The following INPPL1 variants were observed in gnomAD, a reference collection of about 807,000 sequenced individuals.
The protein encoded by INPPL1 is inositol polyphosphate phosphatase like 1.
Under a neutral mutation model 139.3 loss-of-function variants are expected in INPPL1, and 91 were observed. The observed-to-expected ratio is 0.65, with a 90% CI of 0.55 to 0.78. The LOEUF is 0.78. Ranked by LOEUF, INPPL1 falls within the 30% of genes least tolerant of loss-of-function variation. The pLI is 0.00. For missense variants in INPPL1, 1,411 were observed against 1,665.6 expected, an observed-to-expected ratio of 0.85 and a Z score of 2.66; for synonymous variants, 719 against 686.6, an observed-to-expected ratio of 1.05 and a Z score of -0.74.
rs1297069978 is a variant in INPPL1, at chr11:72,237,245, C to T, written c.3001C>T (p.Pro1001Ser). 1 of 1,613,986 alleles carries T rather than the reference C, an allele frequency of 6.2e-7. No individual in the cohort carries two copies. Among genetic ancestry groups the T allele is most frequent in the Admixed American group, 1.7e-5 (1 of 60,022 alleles). ...GVPHQLLPPE[P>S]PSPARAPVPS... is the part of the protein sequence containing the mutation. ...CCCGCACCAGCTGCTGCCCCCGGAG[C>T]CACCCTCGCCTGCCAGGGCCCCTGT... The change falls in exon 26 of 28, where the codon CCA becomes TCA. Residue 1001 changes from proline to serine, a missense_variant. Pro to Ser is a moderately conservative substitution (Grantham distance 74). This residue lies in a region of INPPL1 where 438 missense variants were observed against 425.7 expected (regional missense o/e 1.03). Transcript: ENST00000298229.
chr11:72,231,381 AAG>A, intron 12 of INPPL1, 115 bp from the exon 13 acceptor site: 2 of 968,114 alleles, frequency 2.1e-6, no homozygotes, highest in Non-Finnish European at 3.2e-6. Flanking sequence ...GTCCGTCAGG[AAG>A]AGGGGTGGCA....
Position 72,237,657 on chromosome 11 carries a change from C to G in INPPL1, c.3413C>G (p.Ala1138Gly), listed in dbSNP as rs761572631. The G allele has an allele frequency of 2.5e-6, 4 of 1,611,576 alleles. No homozygotes were observed. Among genetic ancestry groups the G allele is most frequent in the Non-Finnish European group, 3.4e-6 (4 of 1,179,122 alleles). Reference sequence around the variant, plus strand: ...CTGAGCGAGGTGGACTATGCCCCTGCTGGGCCTGCACGCTCAGCGCTCCTC... The same window carrying G: ...CTGAGCGAGGTGGACTATGCCCCTGGTGGGCCTGCACGCTCAGCGCTCCTC... ...KTLSEVDYAP[A>G]GPARSALLPG... Residue 1138 changes from alanine (A) to glycine (G), a missense_variant, in exon 26 of 28, where the codon GCT becomes GGT. Ala to Gly is a moderately conservative substitution (Grantham distance 60, BLOSUM62 0). Around this residue, in one of 5 missense-constraint regions of INPPL1, gnomAD observed 438 missense variants for 425.7 expected, o/e 1.03. Coordinates refer to ENST00000298229, the MANE Select transcript of INPPL1 (RefSeq NM_001567.4).
At chr11:72,231,664 T>C (rs1948839193) in intron 13 of INPPL1, 49 bp downstream of exon 13, 2 of 1,303,214 alleles carry the variant, frequency 1.5e-6, no homozygotes, top group Non-Finnish European at 2.2e-6. Context: ...TCTCTGTCCA[T>C]GGCTTCTGCT....
Position 72,234,531 on chromosome 11 carries a change from C to T in INPPL1, c.2331C>T (p.Tyr777=), listed in dbSNP as rs368970014. 3.5e-6 allele frequency: 4 copies of T among 1,134,956 alleles called. No homozygotes were observed. The highest frequency in any genetic ancestry group is 5.4e-6 in the Non-Finnish European group (4 of 744,202). The allele number at this position is 1,134,956 out of a possible 1,614,324, so 70.3% of individuals were successfully genotyped here. Reference sequence around the variant, plus strand: ...TGTCTCCCACCCCCACCCCAGAATACAAGAAGAGCTTTGAGAATGATGCCC... The same window carrying T: ...TGTCTCCCACCCCCACCCCAGAATATAAGAAGAGCTTTGAGAATGATGCCC... ...IEFYSTCLEE[Y]KKSFENDAQS... The change falls in exon 21 of 28, where the codon TAC becomes TAT. Residue 777 remains tyrosine (Y), a synonymous_variant. Transcript: ENST00000298229. The surrounding 1 kb of genome is among the most constrained non-coding windows in gnomAD (Gnocchi z 4.2).
intron 19 of INPPL1, 102 bp downstream of exon 19, chr11:72,233,846 G>A: frequency 1.1e-6 from 1 of 915,846 alleles, no homozygotes; most frequent in Admixed American, 1.8e-5. Context: ...GTGTGTGTGG[G>A]TGTGTGTACC....
chr11:72,231,851 G>C (rs1445920507), intron 13 of INPPL1, among the ~76,000 whole-genome samples: 2 of 152,182 alleles, frequency 1.3e-5, no homozygotes, highest in African/African-American at 4.8e-5. Flanking sequence ...CAGAGTGGTT[G>C]AGTGACCTGC....
rs769535843 is a variant in INPPL1, at chr11:72,237,705, C to T, written c.3461C>T (p.Pro1154Leu). 6.2e-7 allele frequency: 1 copy of T among 1,611,592 alleles called. No homozygotes were observed. ...CTCCCAGGCCCCCTGGAGCTGCAGC[C>T]CCCCCGGGGACTGCCCTCGGACTAT... The part of the protein sequence containing the change: ...ALLPGPLELQ[P>L]PRGLPSDYGR... The change falls in exon 26 of 28, where the codon CCC becomes CTC. Residue 1154 changes from proline to leucine, a missense_variant. Physicochemically the swap from Pro to Leu is moderately conservative, Grantham distance 98 (BLOSUM62 -3). Transcript: ENST00000298229.
chr11:72,228,437 C>T lies in INPPL1; in HGVS notation c.336C>T (p.Ala112=), dbSNP rs1478060573. The part of the protein sequence containing the change: ...YAQPNQGLVC[A]LLLPVEGERE... Reference sequence around the variant, plus strand: ...AGCCCAACCAGGGCCTTGTGTGCGCCCTGCTTCTTCCTGTAGAGGGTGAGC... The same window carrying T: ...AGCCCAACCAGGGCCTTGTGTGCGCTCTGCTTCTTCCTGTAGAGGGTGAGC... Residue 112 remains alanine, a synonymous_variant, in exon 3 of 28, where the codon GCC becomes GCT. Transcript: ENST00000298229. This position sits in a 1 kb window ranked among gnomAD's most constrained non-coding sequence, Gnocchi z 5.0. 21 of 1,612,334 alleles carry T rather than the reference C, an allele frequency of 1.3e-5. No individual in the cohort carries two copies. The highest frequency in any genetic ancestry group is 1.8e-5 in the Non-Finnish European group (21 of 1,179,992).
chr11:72,238,280 A>G lies in INPPL1; in HGVS notation c.3704A>G (p.Asp1235Gly), dbSNP rs1339673499. 2 of 1,611,862 alleles carry G rather than the reference A, an allele frequency of 1.2e-6. No homozygotes were observed. Among genetic ancestry groups the G allele is most frequent in the Non-Finnish European group, 1.7e-6 (2 of 1,178,946 alleles). ...LEFLSDITEE[D>G]LEEAGVQDPA... is the part of the protein sequence containing the mutation. ...CTCCACAGTGACATCACCGAGGAGG[A>G]CTTGGAGGAGGCTGGGGTGCAGGAC... is the stretch of plus-strand genomic sequence containing the variant. The change falls in exon 28 of 28, where the codon GAC becomes GGC. Residue 1235 changes from aspartate (D) to glycine (G), a missense_variant. Coordinates refer to ENST00000298229, the MANE Select transcript of INPPL1 (RefSeq NM_001567.4).
In INPPL1 at chr11:72,234,403, C is replaced by T. The variant is rs370540380; in HGVS notation, c.2326+9C>T. ...CTCTACCTGCCTGGAGGGTCAGAGG[C>T]GTGGCAGGGGCTGGGTGTGGGCCAA... On this transcript the variant is annotated intron_variant, in intron 20 of 27. Transcript: ENST00000298229. This position sits in a 1 kb window ranked among gnomAD's most constrained non-coding sequence, Gnocchi z 4.2. The T allele has an allele frequency of 4.3e-6, 7 of 1,611,260 alleles. No homozygotes were observed. Among genetic ancestry groups the T allele is most frequent in the East Asian group, 2.2e-5 (1 of 44,844 alleles).
At chr11:72,236,754 C>T (rs1948998670) in intron 25 of INPPL1, among the ~76,000 whole-genome samples, 1 of 152,222 alleles carries the variant, frequency 6.6e-6, no homozygotes, top group South Asian at 2.1e-4. Context: ...AAAGATTCTG[C>T]AGCGGATTGA....
chr11:72,226,303 C>T (rs951180722), intron 1 of INPPL1, among the ~76,000 whole-genome samples: 11 of 151,768 alleles, frequency 7.2e-5, no homozygotes, highest in African/African-American at 1.2e-4. Context: ...GCCTCTGCCT[C>T]GCCAGTAGCT....
chr11:72,232,409 C>A, intron 14 of INPPL1, 73 bp downstream of exon 14: 1 of 1,390,040 alleles, frequency 7.2e-7, no homozygotes, highest in Non-Finnish European at 1.0e-6. Flanking sequence ...GCTCCCATAC[C>A]CTAGCCCATG....
In INPPL1 at chr11:72,235,194, G is replaced by GC. The variant is rs1948950628; in HGVS notation, c.2494_2495insC (p.Glu832AlafsTer52). The GC allele has an allele frequency of 6.2e-7, 1 of 1,613,974 alleles. No homozygotes were observed. On this transcript the variant is annotated frameshift_variant, in exon 22 of 28. Coordinates refer to ENST00000298229, the MANE Select transcript of INPPL1 (RefSeq NM_001567.4). LOFTEE classifies it high-confidence loss of function. The surrounding 1 kb of genome is among the most constrained non-coding windows in gnomAD (Gnocchi z 4.9). ...CACAGTCAAGTCCATGGATGGCTAT[G>GC]AATCCTATGGTGAGGGGTGAGGGGT... is the stretch of plus-strand genomic sequence containing the variant.
chr11:72,229,048 G>A, intron 4 of INPPL1, 42 bp from the exon 5 acceptor site: 1 of 1,572,840 alleles, frequency 6.4e-7, no homozygotes, highest in South Asian at 1.2e-5. Context: ...TGCTGGGACA[G>A]GTCAGCAGGA....
intron 25 of INPPL1, among the ~76,000 whole-genome samples, 160 bp from the exon 26 acceptor site, chr11:72,236,964 T>C (rs1372958927): frequency 6.6e-6 from 1 of 152,176 alleles, no homozygotes; most frequent in Non-Finnish European, 1.5e-5. Context: ...CTCTGACCTT[T>C]AGAGATGAAG....
chr11:72,238,448 C>T lies in INPPL1; in HGVS notation c.*95C>T. 6.0e-6 allele frequency: 6 copies of T among 999,742 alleles called. No homozygotes were observed. The highest frequency in any genetic ancestry group is 1.7e-5 in the African/African-American group (1 of 59,568). The allele number at this position is 999,742 out of a possible 1,614,324, so 61.9% of individuals were successfully genotyped here. On this transcript the variant is annotated 3_prime_UTR_variant, in exon 28 of 28. Transcript: ENST00000298229. ...GGTTGAAAAGTTATGAGGGTCAGGG[C>T]AGTATCTCTCTGCCTATTTATTGGG...
At position 72,231,619 on chromosome 11, in the gene INPPL1, A is replaced by G. The variant is rs2135430696; in HGVS notation, c.1615+4A>G. ...ACTGGCATCGCCAACACCCTGGGTA[A>G]GTGGGGCTGGCAGGTGCCCAAGAGT... On this transcript the variant is annotated splice_donor_region_variant and intron_variant, in intron 13 of 27. Coordinates refer to ENST00000298229, the MANE Select transcript of INPPL1 (RefSeq NM_001567.4). 2 of 1,604,090 alleles carry G rather than the reference A, an allele frequency of 1.2e-6. No individual in the cohort carries two copies. The highest frequency in any genetic ancestry group is 1.7e-6 in the Non-Finnish European group (2 of 1,171,734).
At chr11:72,227,986 C>CATTAAAAAA in intron 1 of INPPL1, 1 of 458,260 alleles carries the variant, frequency 2.2e-6, no homozygotes. Flanking sequence ...CGGGGGTGTT[C>CATTAAAAAA]TGGTCATTCC....
Sources: gnomAD v4.1 joint callset for allele counts (sites outside exome capture counted in the v4.1 genomes callset) on GRCh38, gnomAD v4.1.1 for gene constraint, gnomAD v4.1.1 regional missense constraint, Gnocchi (gnomAD v3.1) non-coding constraint, MANE v1.5 for transcripts, NCBI Gene and HGNC (gene_info 2026-07-23, HGNC 2026-07-21) for gene names.